Variants in TNFSF4 observed in about 807,000 individuals in gnomAD.
TNFSF4 encodes the protein tumor necrosis factor ligand superfamily member 4.
TNFSF4 carries 4 observed loss-of-function variants against 7.3 expected under a neutral mutation model. That is an observed-to-expected ratio of 0.55 (90% CI 0.27 to 1.25). The LOEUF (loss-of-function observed/expected upper bound fraction) is 1.25. Ranked by LOEUF, TNFSF4 falls within the 50% of genes most tolerant of loss-of-function variation. The pLI is 0.12. For synonymous variants in TNFSF4, 76 were observed against 83.7 expected, an observed-to-expected ratio of 0.91 and a Z score of 0.50; for missense variants, 181 against 208.8, an observed-to-expected ratio of 0.87 and a Z score of 0.82.
chr1:173,219,812 T>C, the TNFSF4 span, among the ~76,000 whole-genome samples: 1 of 152,100 alleles, frequency 6.6e-6, no homozygotes, highest in African/African-American at 2.4e-5. Flanking sequence ...AAACCAAACA[T>C]TGTATGTTCT....
the TNFSF4 span, among the ~76,000 whole-genome samples, chr1:173,385,769 A>G: frequency 6.6e-6 from 1 of 152,070 alleles, no homozygotes; most frequent in Non-Finnish European, 1.5e-5. Flanking sequence ...AACCTGGGAG[A>G]CAGATGTTTC....
chr1:173,343,050 A>T, the TNFSF4 span, among the ~76,000 whole-genome samples: 2 of 152,178 alleles, frequency 1.3e-5, no homozygotes, highest in Admixed American at 1.3e-4. Context: ...TTAGTTTTAC[A>T]TTTCCTTAAA....
the TNFSF4 span, among the ~76,000 whole-genome samples, chr1:173,300,301 A>C: frequency 6.6e-6 from 1 of 151,996 alleles, no homozygotes; most frequent in South Asian, 2.1e-4. Flanking sequence ...GAGTCTCTCC[A>C]GCCAGGAACT....
the TNFSF4 span, among the ~76,000 whole-genome samples, chr1:173,436,947 G>A: frequency 6.6e-6 from 1 of 152,180 alleles, no homozygotes; most frequent in African/African-American, 2.4e-5. Context: ...CTAGGCCCCT[G>A]GAATGCCCAG....
chr1:173,279,371 G>T, the TNFSF4 span, among the ~76,000 whole-genome samples: 1 of 151,898 alleles, frequency 6.6e-6, no homozygotes, highest in Non-Finnish European at 1.5e-5. Context: ...CTCCCTAAAT[G>T]TTAATTTACT....
At chr1:173,435,924 T>C in the TNFSF4 span, among the ~76,000 whole-genome samples, 1 of 152,206 alleles carries the variant, frequency 6.6e-6, no homozygotes, top group Non-Finnish European at 1.5e-5. Flanking sequence ...CTAGTACACA[T>C]CCATAGCTAT....
chr1:173,282,302 A>G, the TNFSF4 span, among the ~76,000 whole-genome samples: 1 of 152,026 alleles, frequency 6.6e-6, no homozygotes, highest in Non-Finnish European at 1.5e-5. Flanking sequence ...TATCATATGC[A>G]CCCCATAAGT....
chr1:173,291,002 G>A, the TNFSF4 span, among the ~76,000 whole-genome samples: 3 of 152,058 alleles, frequency 2.0e-5, no homozygotes, highest in African/African-American at 7.2e-5. Flanking sequence ...CAAAATTAAG[G>A]CAGTATATTA....
the TNFSF4 span, among the ~76,000 whole-genome samples, chr1:173,244,672 A>C: frequency 1.3e-5 from 2 of 151,776 alleles, no homozygotes; most frequent in African/African-American, 4.8e-5. Flanking sequence ...AAAAACAAAA[A>C]AAAAACATAA....
the TNFSF4 span, chr1:173,175,385 T>G: frequency 6.6e-6 from 1 of 152,240 alleles, no homozygotes; most frequent in Non-Finnish European, 1.5e-5. Context: ...TAAAAGAATT[T>G]TTAACAAATA....
the TNFSF4 span, among the ~76,000 whole-genome samples, chr1:173,431,953 T>C: frequency 2.0e-5 from 3 of 152,220 alleles, no homozygotes; most frequent in Admixed American, 2.0e-4. Flanking sequence ...CACTTGATAA[T>C]AGTAGCAAAG....
chr1:173,231,572 C>T, the TNFSF4 span, among the ~76,000 whole-genome samples: 6 of 152,038 alleles, frequency 3.9e-5, no homozygotes, highest in African/African-American at 7.2e-5. Context: ...TCCTATTCAA[C>T]GTAGTGTTGG....
At chr1:173,437,986 A>AT in the TNFSF4 span, among the ~76,000 whole-genome samples, 3 of 152,180 alleles carry the variant, frequency 2.0e-5, no homozygotes, top group African/African-American at 7.2e-5. Flanking sequence ...TCCCACTAGA[A>AT]TTTTTTATTG....
the TNFSF4 span, among the ~76,000 whole-genome samples, chr1:173,298,034 C>A: frequency 2.0e-5 from 3 of 152,018 alleles, no homozygotes; most frequent in East Asian, 5.8e-4. Context: ...TCTACCCTGA[C>A]CTGAAGGCTG....
chr1:173,386,343 G>C, the TNFSF4 span, among the ~76,000 whole-genome samples: 1 of 152,200 alleles, frequency 6.6e-6, no homozygotes, highest in Non-Finnish European at 1.5e-5. Flanking sequence ...GAAAGTGCAC[G>C]GAGTTCAAGA....
chr1:173,353,509 C>T, the TNFSF4 span, among the ~76,000 whole-genome samples: 4 of 152,172 alleles, frequency 2.6e-5, no homozygotes, highest in East Asian at 7.7e-4. Flanking sequence ...CTGTCAGCCA[C>T]TCATGATCTC....
chr1:173,176,991 A>G, the TNFSF4 span, among the ~76,000 whole-genome samples: 7 of 151,438 alleles, frequency 4.6e-5, no homozygotes, highest in African/African-American at 1.2e-4. Context: ...GATGGGGGTT[A>G]GGAGAGGATA....
the TNFSF4 span, among the ~76,000 whole-genome samples, chr1:173,224,143 T>A: frequency 6.6e-6 from 1 of 152,214 alleles, no homozygotes; most frequent in Non-Finnish European, 1.5e-5. Flanking sequence ...GGGAAGATCA[T>A]AACAAAGCTG....
the TNFSF4 span, among the ~76,000 whole-genome samples, chr1:173,353,533 T>C: frequency 6.6e-6 from 1 of 152,172 alleles, no homozygotes; most frequent in Non-Finnish European, 1.5e-5. Flanking sequence ...TGAAATAGTG[T>C]TTGGAAATGG....
Sources: allele counts gnomAD v4.1 joint callset (sites outside exome capture counted in the v4.1 genomes callset), GRCh38; gene constraint gnomAD v4.1.1; transcripts MANE v1.5; gene names NCBI Gene and HGNC (gene_info 2026-07-23, HGNC 2026-07-21).